The following TMEM131 variants were observed in gnomAD, a reference collection of about 807,000 sequenced individuals.
TMEM131 encodes 2610524E03Rik.
TMEM131 carries 66 observed loss-of-function variants against 211.6 expected under a neutral mutation model. That is an observed-to-expected ratio of 0.31 (90% confidence interval 0.26 to 0.38). The LOEUF is 0.38. Ranked by LOEUF, TMEM131 falls within the 10% of genes least tolerant of loss-of-function variation. TMEM131 has a pLI of 1.00. For missense variants in TMEM131, 2,036 were observed against 2,299.3 expected (o/e 0.89, Z 2.34); for synonymous variants, 844 against 841.3 (o/e 1.00, Z -0.06).
At chr2:97,760,467 C>T in intron 38 of TMEM131, 126 bp downstream of exon 38, 1 of 933,940 alleles carries the variant, frequency 1.1e-6, no homozygotes, top group South Asian at 1.5e-5. Flanking sequence ...CACTTGACCA[C>T]TTCTGACAAA....
intron 5 of TMEM131, among the ~76,000 whole-genome samples, chr2:97,858,876 G>C (rs1265010174): frequency 6.6e-6 from 1 of 152,198 alleles, no homozygotes; most frequent in Non-Finnish European, 1.5e-5. Flanking sequence ...ACTCAGCCCG[G>C]AAGACATCTT....
chr2:97,938,483 C>T (rs11679196), intron 1 of TMEM131, among the ~76,000 whole-genome samples: 1 of 151,984 alleles, frequency 6.6e-6, no homozygotes, highest in Admixed American at 6.5e-5. Context: ...AACTAACTAT[C>T]CTAAATATAT....
intron 31 of TMEM131, among the ~76,000 whole-genome samples, chr2:97,784,269 A>C (rs1182645868): frequency 6.6e-6 from 1 of 152,118 alleles, no homozygotes; most frequent in African/African-American, 2.4e-5. Context: ...GAGAATATAC[A>C]TTCTTTTCAA....
chr2:97,789,769 T>C (rs560797727), intron 31 of TMEM131, among the ~76,000 whole-genome samples: 16 of 152,310 alleles, frequency 1.1e-4, no homozygotes, highest in East Asian at 3.9e-4. Flanking sequence ...GTCCAGTCCA[T>C]GGGGTTTAAG....
chr2:97,824,547 A>G (rs1013502297), intron 11 of TMEM131, among the ~76,000 whole-genome samples: 1 of 152,124 alleles, frequency 6.6e-6, no homozygotes, highest in African/African-American at 2.4e-5. Flanking sequence ...AAAGTCCCAC[A>G]CCCTTATTAG....
At chr2:97,763,034 A>AT (rs1678935773) in intron 35 of TMEM131, 2 of 152,108 alleles carry the variant, frequency 1.3e-5, no homozygotes. Flanking sequence ...AATTCCCATC[A>AT]CCACAGGGCA....
chr2:97,974,278 G>A (rs916294722), intron 1 of TMEM131, among the ~76,000 whole-genome samples: 2 of 152,116 alleles, frequency 1.3e-5, no homozygotes, highest in Non-Finnish European at 2.9e-5. Flanking sequence ...CATAGCAGTA[G>A]ACCCATCCAA....
chr2:97,944,377 GAAGATA>G (rs1239511970), intron 1 of TMEM131, among the ~76,000 whole-genome samples: 1 of 152,172 alleles, frequency 6.6e-6, no homozygotes, highest in African/African-American at 2.4e-5. Flanking sequence ...TAAAACTTTT[GAAGATA>G]ACATAGATGT....
chr2:97,802,657 A>G lies in TMEM131; in HGVS notation c.2536T>C (p.Ser846Pro). 6.2e-7 allele frequency: 1 copy of G among 1,612,420 alleles called. No homozygotes were observed. Among genetic ancestry groups the G allele is most frequent in the Non-Finnish European group, 8.5e-7 (1 of 1,179,096 alleles). The change falls in exon 23 of 41, where the codon TCC becomes CCC. Residue 846 changes from serine to proline, a missense_variant. Ser to Pro is a moderately conservative substitution (Grantham distance 74, BLOSUM62 -1). This residue lies in a region of TMEM131 where 1,623 missense variants were observed against 1,805.9 expected (regional missense o/e 0.90). Coordinates refer to ENST00000186436, the MANE Select transcript of TMEM131 (RefSeq NM_015348.2). Reference protein sequence around the residue: ...LKFPLTNTNCSSEEEITLENP... With the variant: ...LKFPLTNTNCPSEEEITLENP... Reference sequence around the variant, plus strand: ...ATGTCACTTTGAATACTTACTGAGGAGCAGTTTGTATTAGTAAGTGGAAAT... The same window carrying G: ...ATGTCACTTTGAATACTTACTGAGGGGCAGTTTGTATTAGTAAGTGGAAAT...
At chr2:97,962,114 A>G (rs2104570655) in intron 1 of TMEM131, among the ~76,000 whole-genome samples, 1 of 152,358 alleles carries the variant, frequency 6.6e-6, no homozygotes, top group East Asian at 1.9e-4. Context: ...AAATTCTTAC[A>G]GGATACAGAA....
chr2:97,995,638 C>G lies in TMEM131; in HGVS notation c.25G>C (p.Ala9Pro), dbSNP rs1680475698. MGKRAGGGATGATTAAVST... is the reference protein window; with the variant it reads MGKRAGGGPTGATTAAVST... ...ACGGCGGCGGTGGTGGCTCCGGTTG[C>G]TCCTCCTCCCGCCCGCTTCCCCATC... Residue 9 changes from alanine to proline, a missense_variant, in exon 1 of 41, where the codon GCA becomes CCA. Ala to Pro is a conservative substitution (Grantham distance 27). Around this residue, in one of 3 missense-constraint regions of TMEM131, gnomAD observed 136 missense variants for 115.4 expected, o/e 1.18. Coordinates refer to ENST00000186436, the MANE Select transcript of TMEM131 (RefSeq NM_015348.2). The G allele has an allele frequency of 8.2e-7, 1 of 1,222,988 alleles. No individual in the cohort carries two copies. 75.8% of individuals were successfully genotyped at this position (1,222,988 alleles called of 1,614,324 possible).
rs1673542442 is a variant in TMEM131, at chr2:97,849,943, C to G, written c.484-5682G>C. On this transcript the variant is annotated intron_variant, in intron 5 of 40. Transcript: ENST00000186436. ...TCTTGAAATGAAGTAGATAATATCA[C>G]TGAGTTCAGGCAGTCCACCCACACT... Among the ~76,000 whole-genome samples, 3 of 151,898 alleles carry G rather than the reference C, an allele frequency of 2.0e-5. No homozygotes were observed. The South Asian group carries it at 6.2e-4, about 32-fold the overall frequency.
At chr2:97,990,311 T>C (rs1268675071) in intron 1 of TMEM131, among the ~76,000 whole-genome samples, 1 of 151,646 alleles carries the variant, frequency 6.6e-6, no homozygotes, top group Non-Finnish European at 1.5e-5. Flanking sequence ...AGCTTGTGGC[T>C]GATTGAAAAA....
intron 1 of TMEM131, among the ~76,000 whole-genome samples, chr2:97,930,937 A>G (rs1459366631): frequency 9.9e-6 from 1 of 100,552 alleles, no homozygotes; most frequent in Non-Finnish European, 2.1e-5. Context: ...ACCCTATGAC[A>G]CAGACATTAT....
intron 1 of TMEM131, among the ~76,000 whole-genome samples, chr2:97,995,126 C>A (rs1337968481): frequency 6.6e-6 from 1 of 152,226 alleles, no homozygotes; most frequent in Non-Finnish European, 1.5e-5. Context: ...CTGCATGCAA[C>A]CAACCGCAAC....
intron 5 of TMEM131, among the ~76,000 whole-genome samples, chr2:97,849,905 T>C (rs1157807561): frequency 6.6e-6 from 1 of 152,038 alleles, no homozygotes; most frequent in Non-Finnish European, 1.5e-5. Flanking sequence ...AAATTAACTT[T>C]AAAACAACAA....
At chr2:97,923,628 TAAAAAAAA>T (rs71386040) in intron 2 of TMEM131, among the ~76,000 whole-genome samples, 7 of 30,210 alleles carry the variant, frequency 2.3e-4, no homozygotes, top group African/African-American at 5.6e-4. Flanking sequence ...TCTTTTTTTT[TAAAAAAAA>T]AAAAAAAAAA....
intron 2 of TMEM131, among the ~76,000 whole-genome samples, chr2:97,924,636 G>A (rs994927081): frequency 6.6e-6 from 1 of 152,158 alleles, no homozygotes; most frequent in Admixed American, 6.5e-5. Context: ...AGGTGAGTTC[G>A]TTCCTGTAAT....
rs372870572 is a variant in TMEM131, at chr2:97,812,463, G to T, written c.1821C>A (p.Ser607Arg). ...AAGAGGATTTTTCAAACTCTGGCAGGCTTGAAATTATTGTAGTTCTATTGC... is the reference window on the plus strand; with the variant it reads ...AAGAGGATTTTTCAAACTCTGGCAGTCTTGAAATTATTGTAGTTCTATTGC... The part of the protein sequence containing the change: ...ERGNRTTIIS[S>R]LPEFEKSSLS... The change falls in exon 17 of 41, where the codon AGC becomes AGA. Residue 607 changes from serine to arginine, a missense_variant. This residue lies in a region of TMEM131 where 1,623 missense variants were observed against 1,805.9 expected (regional missense o/e 0.90). Transcript: ENST00000186436. The T allele has an allele frequency of 2.8e-5, 45 of 1,612,906 alleles. No individual in the cohort carries two copies. In the Middle Eastern group the frequency reaches 8.3e-4, roughly 30 times the overall value.
Sources: gnomAD v4.1 joint callset for allele counts (sites outside exome capture counted in the v4.1 genomes callset) on GRCh38, gnomAD v4.1.1 for gene constraint, gnomAD v4.1.1 regional missense constraint, MANE v1.5 for transcripts, NCBI Gene and HGNC (gene_info 2026-07-23, HGNC 2026-07-21) for gene names.